Variants in RBFOX2 observed in about 807,000 individuals in gnomAD.
The protein encoded by RBFOX2 is RNA binding fox-1 homolog 2.
In RBFOX2, 10 loss-of-function variants were observed where a neutral mutation model predicts 49.1. That is an observed-to-expected ratio of 0.20 (90% CI 0.13 to 0.35). The LOEUF (loss-of-function observed/expected upper bound fraction) is 0.35, where lower values mean the gene tolerates loss of function less well. Ranked by LOEUF, RBFOX2 falls within the 10% of genes least tolerant of loss-of-function variation. RBFOX2 has a pLI of 1.00. For synonymous variants in RBFOX2, 183 were observed against 187.4 expected (o/e 0.98, Z 0.19); for missense variants, 323 against 486.9 (o/e 0.66, Z 3.17).
intron 1 of RBFOX2, among the ~76,000 whole-genome samples, chr22:36,015,629 C>T (rs2059003714): frequency 6.6e-6 from 1 of 152,188 alleles, no homozygotes; most frequent in Non-Finnish European, 1.5e-5. Context: ...TAAGAAACAG[C>T]AGGTGAAAGC....
intron 1 of RBFOX2, among the ~76,000 whole-genome samples, chr22:35,944,472 A>C (rs1240233730): frequency 6.6e-6 from 1 of 152,248 alleles, no homozygotes; most frequent in African/African-American, 2.4e-5. Context: ...CACATAGAGG[A>C]GAAAAAAGGT....
intron 1 of RBFOX2, among the ~76,000 whole-genome samples, chr22:35,978,258 ATT>A (rs1023281785): frequency 6.6e-6 from 1 of 152,204 alleles, no homozygotes; most frequent in Non-Finnish European, 1.5e-5. Flanking sequence ...TATAAAATGC[ATT>A]GTTTTATAAT....
At chr22:35,951,368 C>A (rs781404173) in intron 1 of RBFOX2, among the ~76,000 whole-genome samples, 1 of 151,100 alleles carries the variant, frequency 6.6e-6, no homozygotes, top group Non-Finnish European at 1.5e-5. Flanking sequence ...GCCTCAGCCT[C>A]CTGAGTAGCT....
At chr22:35,975,590 T>A (rs1009038221) in intron 1 of RBFOX2, among the ~76,000 whole-genome samples, 4 of 152,202 alleles carry the variant, frequency 2.6e-5, no homozygotes, top group Non-Finnish European at 5.9e-5. Flanking sequence ...CAAAGGCAAT[T>A]CTAATCCCAG....
At chr22:36,012,805 C>A (rs2058874145) in intron 1 of RBFOX2, among the ~76,000 whole-genome samples, 1 of 151,906 alleles carries the variant, frequency 6.6e-6, no homozygotes, top group African/African-American at 2.4e-5. Flanking sequence ...CACTCTGTCA[C>A]CCGGGCTGGA....
rs553706828 is a variant in RBFOX2 at position 36,012,064 on chromosome 22, TGG to T, written c.186+16174_186+16175del. On this transcript the variant is annotated intron_variant, in intron 1 of 13. Transcript: ENST00000438146. ...ATCTGTTGTTGATCTAAATTAGAGA[TGG>T]AATAACTTTGAGATGAAAAAAAGCC... 8.3e-4 allele frequency among the ~76,000 whole-genome samples: 127 copies of T among 152,232 alleles called. 1 individual carries two copies. Among genetic ancestry groups the T allele is most frequent in the Middle Eastern group, 3.4e-3 (1 of 294 alleles).
intron 1 of RBFOX2, among the ~76,000 whole-genome samples, chr22:35,850,094 C>A (rs183656447): frequency 7.5e-4 from 114 of 152,064 alleles, no homozygotes; most frequent in African/African-American, 2.6e-3. Flanking sequence ...CAATCCAGGA[C>A]ACAGAAAGGC....
At chr22:35,844,951 T>A (rs189015330), upstream of RBFOX2, among the ~76,000 whole-genome samples, 440 of 152,012 alleles carry the variant, frequency 2.9e-3, 2 homozygotes, top group Middle Eastern at 0.01. Flanking sequence ...TTAAAAAAAA[T>A]TTTTTTTAGG....
chr22:36,011,646 T>C (rs908078358), intron 1 of RBFOX2, among the ~76,000 whole-genome samples: 3 of 151,678 alleles, frequency 2.0e-5, no homozygotes, highest in African/African-American at 7.3e-5. Context: ...CAATACTAGT[T>C]ACTTCCAAAA....
In RBFOX2 at chr22:35,967,389, T is replaced by TA. The variant is rs2056624591; in HGVS notation, c.187-28493_187-28492insT. 2.8e-5 allele frequency among the ~76,000 whole-genome samples: 4 copies of TA among 144,440 alleles called. 1 individual carries two copies. The highest frequency in any genetic ancestry group is 1.0e-4 in the African/African-American group (4 of 38,996). The allele number at this position is 144,440 out of a possible 152,430, so 94.8% of individuals were successfully genotyped here. ...CGAGACCTTGTCTCAAAATAAAAAATTAAAAAAAAAAAATACCCTACCAAA... is the reference window on the plus strand; with the variant it reads ...CGAGACCTTGTCTCAAAATAAAAAATATAAAAAAAAAAAATACCCTACCAAA... On this transcript the variant is annotated intron_variant, in intron 1 of 13. Transcript: ENST00000438146.
intron 1 of RBFOX2, among the ~76,000 whole-genome samples, chr22:35,849,298 A>AACACACAC (rs61515031): frequency 0.023 from 3,115 of 133,318 alleles, 32 homozygotes; most frequent in Admixed American, 0.032. Context: ...TACACACACA[A>AACACACAC]ACACACACAC....
intron 1 of RBFOX2, chr22:35,998,349 A>G (rs962091412): frequency 2.6e-5 from 4 of 152,066 alleles, no homozygotes; most frequent in African/African-American, 7.2e-5. Flanking sequence ...ACACTACCTC[A>G]CATAGAGAAC....
chr22:36,016,764 T>C (rs1030626110), intron 1 of RBFOX2, among the ~76,000 whole-genome samples: 4 of 152,216 alleles, frequency 2.6e-5, no homozygotes, highest in African/African-American at 9.7e-5. Context: ...CATTTGACAA[T>C]TCAAGAATGT....
At chr22:35,942,832 T>G (rs2053845031), upstream of RBFOX2, among the ~76,000 whole-genome samples, 1 of 152,154 alleles carries the variant, frequency 6.6e-6, no homozygotes, top group Non-Finnish European at 1.5e-5. Flanking sequence ...TGTGGAAGGT[T>G]GAAAGGACAT....
intron 1 of RBFOX2, among the ~76,000 whole-genome samples, chr22:35,952,164 C>A (rs2055016710): frequency 1.3e-5 from 2 of 152,206 alleles, no homozygotes; most frequent in African/African-American, 4.8e-5. Context: ...AACACTGTTA[C>A]AACTTACTGC....
chr22:35,912,719 T>C (rs141263797), intron 1 of RBFOX2, among the ~76,000 whole-genome samples: 4 of 152,276 alleles, frequency 2.6e-5, no homozygotes, highest in African/African-American at 9.6e-5. Flanking sequence ...TAAAAGAAGA[T>C]ATATGGGTTT....
At chr22:35,761,601 T>C in intron 6 of RBFOX2, 133 bp from the exon 8 acceptor site, 1 of 870,124 alleles carries the variant, frequency 1.1e-6, no homozygotes, top group Non-Finnish European at 1.9e-6. Context: ...GAATTCCAGC[T>C]TGGGGTTTAT....
chr22:35,926,056 T>G (rs953418333), intron 1 of RBFOX2, among the ~76,000 whole-genome samples: 2 of 152,214 alleles, frequency 1.3e-5, no homozygotes, highest in Non-Finnish European at 2.9e-5. Flanking sequence ...ATTTAATCTG[T>G]AACTGAAACC....
At chr22:35,779,745 C>G (rs997752436) in intron 3 of RBFOX2, among the ~76,000 whole-genome samples, 1 of 152,136 alleles carries the variant, frequency 6.6e-6, no homozygotes, top group Non-Finnish European at 1.5e-5. Context: ...TCTTTACCAA[C>G]GTTACTGTTC....
Sources: allele counts gnomAD v4.1 joint callset (sites outside exome capture counted in the v4.1 genomes callset), GRCh38; gene constraint gnomAD v4.1.1; transcripts MANE v1.5; gene names NCBI Gene and HGNC (gene_info 2026-07-23, HGNC 2026-07-21).